The following ECI2 variants were observed in gnomAD, a reference collection of about 807,000 sequenced individuals.
ECI2 encodes enoyl-CoA delta isomerase 2.
Under a neutral mutation model 38.4 loss-of-function variants are expected in ECI2, and 27 were observed. The ratio of observed to expected loss-of-function variants is 0.70; its 90% CI spans 0.52 to 0.97. ECI2 has a LOEUF of 0.97. ECI2 is among the 50% of genes least tolerant of loss of function. ECI2 has a pLI of 0.00. For missense variants in ECI2, 470 were observed against 474.4 expected, an observed-to-expected ratio of 0.99 and a Z score of 0.09; for synonymous variants, 168 against 172.0, an observed-to-expected ratio of 0.98 and a Z score of 0.18.
Position 4,135,375 on chromosome 6 carries a change from C to G in ECI2, c.50+136G>C, listed in dbSNP as rs1773675487. The G allele has an allele frequency of 3.9e-6, 6 of 1,531,998 alleles. No homozygotes were observed. The East Asian group carries it at 1.4e-4, about 36-fold the overall frequency. 94.9% of individuals were successfully genotyped at this position (1,531,998 alleles called of 1,614,324 possible). On this transcript the variant is annotated intron_variant, in intron 1 of 9. Coordinates refer to ENST00000380118, the MANE Select transcript of ECI2 (RefSeq NM_206836.3). ...TCGTCACTTTTTAGCACTACCTCAC[C>G]GGAAAACCAGCAAAGCAAAATCCTG...
chr6:4,121,891 T>C (rs987029335), intron 7 of ECI2: 23 of 953,582 alleles, frequency 2.4e-5, no homozygotes, highest in Non-Finnish European at 3.3e-5. Context: ...ATAAAAATAA[T>C]CACAATATTT....
rs1772368269 is a variant in ECI2, at chr6:4,117,603, G to GC, written c.886-153dup. The GC allele has an allele frequency of 4.4e-5, 43 of 974,974 alleles. No individual in the cohort carries two copies. The South Asian group carries it at 7.7e-4, about 17-fold the overall frequency. 60.4% of individuals were successfully genotyped at this position (974,974 alleles called of 1,614,324 possible). On this transcript the variant is annotated intron_variant, in intron 8 of 9. Coordinates refer to ENST00000380118, the MANE Select transcript of ECI2 (RefSeq NM_206836.3). ...AGGGAGAAGCTGATGACCTCAATAG[G>GC]CAACGGTTTGCAAACTGTGTGCTGA...
rs6910984 is a variant in ECI2 at position 4,135,520 on chromosome 6, G to T, written c.41C>A (p.Ser14Ter). Reference protein sequence around the residue: ...AYLAWRLARRSCPSSLQVTSF... With the variant: ...AYLAWRLARR Reference sequence around the variant, plus strand: ...GGGACTCCAAGCTTACCTCGGACACGAACGCCGCGCCAGTCTCCAAGCCAA... The same window carrying T: ...GGGACTCCAAGCTTACCTCGGACACTAACGCCGCGCCAGTCTCCAAGCCAA... Residue 14 changes from serine (S) to a stop codon, truncating the protein, a stop_gained, in exon 1 of 10, where the codon TCG (serine) becomes TAG (stop). Transcript: ENST00000380118. LOFTEE classifies it high-confidence loss of function. The T allele has an allele frequency of 7.2e-5, 115 of 1,586,788 alleles. 3 individuals carry two copies. The South Asian group carries it at 1.2e-3, about 17-fold the overall frequency.
At chr6:4,123,302 A>G (rs533039502) in intron 7 of ECI2, among the ~76,000 whole-genome samples, 59 of 151,804 alleles carry the variant, frequency 3.9e-4, no homozygotes, top group South Asian at 1.9e-3. Flanking sequence ...TCAGCCTCCA[A>G]TGTAGCTGGG....
intron 5 of ECI2, among the ~76,000 whole-genome samples, chr6:4,126,793 T>C (rs558242526): frequency 1.3e-5 from 2 of 152,364 alleles, no homozygotes; most frequent in East Asian, 3.9e-4. Context: ...ACTGAAAGTA[T>C]GTTTCTGAGT....
chr6:4,125,803 G>A (rs528324602), intron 6 of ECI2: 33 of 443,178 alleles, frequency 7.4e-5, no homozygotes, highest in South Asian at 5.9e-4. Flanking sequence ...TACCTTCAGC[G>A]TTCATGGAAA....
chr6:4,123,574 T>G (rs1237387180), intron 7 of ECI2, among the ~76,000 whole-genome samples: 1 of 149,964 alleles, frequency 6.7e-6, no homozygotes, highest in Non-Finnish European at 1.5e-5. Flanking sequence ...ATAATATATA[T>G]AGAATAGATA....
intron 1 of ECI2, chr6:4,135,166 G>T (rs1405365584): frequency 3.4e-6 from 2 of 588,232 alleles, no homozygotes; most frequent in Admixed American, 2.2e-5. Context: ...CGGCTGGGAA[G>T]TGCAGGCCCG....
At chr6:4,135,408 C>T (rs1582000118) in intron 1 of ECI2, 103 bp downstream of exon 1, 2 of 1,590,682 alleles carry the variant, frequency 1.3e-6, no homozygotes, top group African/African-American at 2.7e-5. Flanking sequence ...CTGTTGCCAC[C>T]TAGACAATAG....
Position 4,130,789 on chromosome 6 carries a change from T to C in ECI2, c.290A>G (p.Asn97Ser). 6.2e-7 allele frequency: 1 copy of C among 1,614,240 alleles called. No individual in the cohort carries two copies. The highest frequency in any genetic ancestry group is 8.5e-7 in the Non-Finnish European group (1 of 1,180,042). ...CACCTTGGGCAGGCTGCCAAGGGCA[T>C]TCCATGCGTCCCATTTGGCCTTGTT... Reference protein sequence around the residue: ...LINKAKWDAWNALGSLPKEAA... With the variant: ...LINKAKWDAWSALGSLPKEAA... The change falls in exon 3 of 10, where the codon AAT becomes AGT. Residue 97 changes from asparagine to serine, a missense_variant. Physicochemically the swap from Asn to Ser is conservative, Grantham distance 46. Coordinates refer to ENST00000380118, the MANE Select transcript of ECI2 (RefSeq NM_206836.3).
At position 4,133,643 on chromosome 6, in the gene ECI2, T is replaced by C; in HGVS notation, c.119A>G (p.Gln40Arg). Residue 40 changes from glutamine to arginine, a missense_variant, in exon 2 of 10, where the codon CAG becomes CGG. Physicochemically the swap from Gln to Arg is conservative, Grantham distance 43 (BLOSUM62 1). Transcript: ENST00000380118. The stretch of plus-strand genomic sequence containing the variant: ...ATTCATTGAATTTTCAAAGTCCTTC[T>C]GACTGGCTCTCATTGCTGTTCTATT... The part of the protein sequence containing the change: ...HMNRTAMRAS[Q>R]KDFENSMNQV... 6.2e-7 allele frequency: 1 copy of C among 1,614,118 alleles called. No homozygotes were observed. Among genetic ancestry groups the C allele is most frequent in the African/African-American group, 1.3e-5 (1 of 75,064 alleles).
At chr6:4,128,736 T>C (rs996280350) in intron 4 of ECI2, among the ~76,000 whole-genome samples, 6 of 152,232 alleles carry the variant, frequency 3.9e-5, no homozygotes, top group African/African-American at 1.2e-4. Flanking sequence ...GCATTTACAT[T>C]GTATTCAGTA....
intron 7 of ECI2, chr6:4,122,128 C>A: frequency 1.3e-6 from 1 of 792,762 alleles, no homozygotes; most frequent in Non-Finnish European, 2.0e-6. Flanking sequence ...AGGGTTTAGG[C>A]TCTGGCGTCA....
At chr6:4,121,943 C>T in intron 7 of ECI2, 4 of 1,536,306 alleles carry the variant, frequency 2.6e-6, no homozygotes, top group Non-Finnish European at 1.8e-6. Flanking sequence ...TTTTTTTATC[C>T]AAAAGAAAAC....
At position 4,122,294 on chromosome 6, in the gene ECI2, C is replaced by T. The variant is rs375361910; in HGVS notation, c.795+2956G>A. Among the ~76,000 whole-genome samples, 8 of 151,086 alleles carry T rather than the reference C, an allele frequency of 5.3e-5. No individual in the cohort carries two copies. In the South Asian group the frequency reaches 6.3e-4, roughly 12 times the overall value. ...TGAGTGCAGTGGCGCAATCTCAACTCGCTGCAACCTCCGCCTCCCGGGTTC... is the reference window on the plus strand; with the variant it reads ...TGAGTGCAGTGGCGCAATCTCAACTTGCTGCAACCTCCGCCTCCCGGGTTC... On this transcript the variant is annotated intron_variant, in intron 7 of 9. Transcript: ENST00000380118.
chr6:4,129,301 A>G (rs1013290378), intron 4 of ECI2, among the ~76,000 whole-genome samples: 3 of 152,048 alleles, frequency 2.0e-5, no homozygotes, highest in Non-Finnish European at 4.4e-5. Flanking sequence ...TTTAGTAGAG[A>G]TGGAGTTTCA....
chr6:4,130,495 A>G lies in ECI2; in HGVS notation c.378T>C (p.Ser126=). The change falls in exon 4 of 10, where the codon AGT becomes AGC. Residue 126 remains serine, a synonymous_variant. Coordinates refer to ENST00000380118, the MANE Select transcript of ECI2 (RefSeq NM_206836.3). ...SSLSPSLESS[S]QVEPGTDRKS... Reference sequence around the variant, plus strand: ...TCCTGTCTGTTCCAGGCTCCACCTGACTAGAGGATTCCAATGAAGGACTCA... The same window carrying G: ...TCCTGTCTGTTCCAGGCTCCACCTGGCTAGAGGATTCCAATGAAGGACTCA... The G allele has an allele frequency of 6.2e-7, 1 of 1,614,210 alleles. No homozygotes were observed. Among genetic ancestry groups the G allele is most frequent in the African/African-American group, 1.3e-5 (1 of 75,048 alleles).
intron 6 of ECI2, chr6:4,125,784 C>A: frequency 2.4e-6 from 1 of 423,840 alleles, no homozygotes; most frequent in African/African-American, 2.0e-5. Flanking sequence ...AAGACTCCTC[C>A]GAGTCTCCTA....
chr6:4,133,496 A>G, intron 2 of ECI2, 53 bp downstream of exon 2: 1 of 1,552,962 alleles, frequency 6.4e-7, no homozygotes, highest in Non-Finnish European at 8.7e-7. Flanking sequence ...GTATTTATTT[A>G]AGAAGTCATT....
Sources: allele counts gnomAD v4.1 joint callset (sites outside exome capture counted in the v4.1 genomes callset), GRCh38; gene constraint gnomAD v4.1.1; transcripts MANE v1.5; gene names NCBI Gene and HGNC (gene_info 2026-07-23, HGNC 2026-07-21).